The following RALGPS2 variants were observed in gnomAD, a reference collection of about 807,000 sequenced individuals.
RALGPS2 encodes the protein Ral GEF with PH domain and SH3 binding motif 2, also known as ras-specific guanine nucleotide-releasing factor RalGPS2.
Under a neutral mutation model 86.8 loss-of-function variants are expected in RALGPS2, and 43 were observed. The observed-to-expected ratio is 0.50, with a 90% CI of 0.39 to 0.64. RALGPS2 has a LOEUF of 0.64. RALGPS2 is among the 30% of genes least tolerant of loss of function. The pLI, the probability that RALGPS2 is intolerant of heterozygous loss-of-function variation, is 0.00. For missense variants in RALGPS2, 536 were observed against 694.6 expected (o/e 0.77, Z 2.57); for synonymous variants, 243 against 231.3 (o/e 1.05, Z -0.46).
chr1:178,878,096 G>A (rs1659074233), intron 9 of RALGPS2, among the ~76,000 whole-genome samples: 1 of 152,036 alleles, frequency 6.6e-6, no homozygotes, highest in Non-Finnish European at 1.5e-5. Flanking sequence ...AGACCCTTGA[G>A]CCTCGTGACA....
intron 8 of RALGPS2, among the ~76,000 whole-genome samples, chr1:178,875,666 T>C (rs1042966037): frequency 1.3e-5 from 2 of 151,870 alleles, no homozygotes; most frequent in Admixed American, 1.3e-4. Flanking sequence ...AAGAATCACT[T>C]GAACCCAGAA....
intron 8 of RALGPS2, among the ~76,000 whole-genome samples, chr1:178,862,593 T>TTTATTTATTTA (rs1553272297): frequency 7.1e-6 from 1 of 140,656 alleles, no homozygotes; most frequent in African/African-American, 2.7e-5. Flanking sequence ...GTTGCATTTT[T>TTTATTTATTTA]TTTATTTATT....
At chr1:178,853,353 T>A (rs972771981) in intron 8 of RALGPS2, among the ~76,000 whole-genome samples, 1 of 152,198 alleles carries the variant, frequency 6.6e-6, no homozygotes, top group Non-Finnish European at 1.5e-5. Flanking sequence ...AAGTAGTAAG[T>A]ATAAGTCATC....
intron 8 of RALGPS2, among the ~76,000 whole-genome samples, 163 bp from the exon 9 acceptor site, chr1:178,877,335 C>T (rs1279405523): frequency 6.6e-6 from 1 of 152,066 alleles, no homozygotes; most frequent in East Asian, 1.9e-4. Flanking sequence ...AAGCTAGGCC[C>T]CAGTAACCAT....
intron 1 of RALGPS2, chr1:178,746,920 C>A: frequency 1.8e-6 from 2 of 1,100,320 alleles, no homozygotes; most frequent in Middle Eastern, 2.4e-4. Flanking sequence ...ATTTTTCAGT[C>A]ATTATTTTGT....
chr1:178,839,625 G>A (rs571410498), intron 8 of RALGPS2, among the ~76,000 whole-genome samples: 4 of 151,670 alleles, frequency 2.6e-5, no homozygotes, highest in Non-Finnish European at 4.4e-5. Flanking sequence ...AATAACCAGC[G>A]AACATCATAA....
intron 18 of RALGPS2, among the ~76,000 whole-genome samples, chr1:178,905,924 A>G (rs1262675020): frequency 6.6e-6 from 1 of 152,212 alleles, no homozygotes; most frequent in Non-Finnish European, 1.5e-5. Context: ...CAGAACTGGA[A>G]ATCTGTAATA....
chr1:178,901,413 A>G (rs1051023753), intron 17 of RALGPS2, among the ~76,000 whole-genome samples: 5 of 152,008 alleles, frequency 3.3e-5, no homozygotes, highest in African/African-American at 4.8e-5. Flanking sequence ...TGATTTTTAA[A>G]CAATACCTGA....
intron 1 of RALGPS2, among the ~76,000 whole-genome samples, chr1:178,726,968 A>G (rs1650053751): frequency 6.6e-6 from 1 of 152,236 alleles, no homozygotes; most frequent in Non-Finnish European, 1.5e-5. Context: ...ATTTAGAATT[A>G]TGAGGAAACT....
At chr1:178,729,540 A>G (rs533279431) in intron 1 of RALGPS2, among the ~76,000 whole-genome samples, 10 of 152,334 alleles carry the variant, frequency 6.6e-5, no homozygotes, top group African/African-American at 2.4e-4. Flanking sequence ...TAAAAAGAAA[A>G]TTGTACTACA....
chr1:178,788,363 C>T lies in RALGPS2; in HGVS notation c.213+2756C>T, dbSNP rs1369297271. Among the ~76,000 whole-genome samples the T allele has an allele frequency of 2.0e-5, 3 of 152,212 alleles. No individual in the cohort carries two copies. In the East Asian group the frequency reaches 5.8e-4, roughly 29 times the overall value. ...TGCTGAAGGTATAGCAGTAAGCCAA[C>T]ACTAAAATTCCTGCCCTCATGGATC... On this transcript the variant is annotated intron_variant, in intron 4 of 19. Coordinates refer to ENST00000367635, the MANE Select transcript of RALGPS2 (RefSeq NM_152663.5).
At chr1:178,866,670 C>A (rs922253538) in intron 8 of RALGPS2, among the ~76,000 whole-genome samples, 5 of 151,914 alleles carry the variant, frequency 3.3e-5, no homozygotes, top group Non-Finnish European at 5.9e-5. Flanking sequence ...CCTTAGAGAC[C>A]CTGTCATTCA....
At chr1:178,803,382 A>C (rs989310339) in intron 4 of RALGPS2, among the ~76,000 whole-genome samples, 8 of 152,076 alleles carry the variant, frequency 5.3e-5, no homozygotes, top group African/African-American at 1.7e-4. Context: ...TTATAGCATT[A>C]ATATAAGTTT....
In RALGPS2 at chr1:178,776,689, G is replaced by C; in HGVS notation, c.-76G>C. On this transcript the variant is annotated 5_prime_UTR_variant, in exon 2 of 20. It removes an upstream start codon present in the reference 5' UTR. Transcript: ENST00000367635. ...TTTTTTTTTTTTTTACAGGAATAAT[G>C]TATTTGTGGCCTTGGACATGAGGCA... The C allele has an allele frequency of 1.0e-6, 1 of 1,004,770 alleles. No homozygotes were observed. The highest frequency in any genetic ancestry group is 1.5e-6 in the Non-Finnish European group (1 of 688,612). 62.2% of individuals were successfully genotyped at this position (1,004,770 alleles called of 1,614,324 possible). A position where few individuals can be genotyped will look rare whatever the true frequency, so the allele number is the denominator to read the frequency against.
At chr1:178,897,550 G>A (rs1225547911) in intron 16 of RALGPS2, 114 bp from the exon 17 acceptor site, 3 of 799,334 alleles carry the variant, frequency 3.8e-6, no homozygotes, top group Non-Finnish European at 6.4e-6. Context: ...GCTCAACTCT[G>A]AGGTTAGGAC....
At chr1:178,798,414 C>G (rs542730106) in intron 4 of RALGPS2, among the ~76,000 whole-genome samples, 7 of 152,164 alleles carry the variant, frequency 4.6e-5, no homozygotes, top group Admixed American at 3.3e-4. Flanking sequence ...AAAATGTGAT[C>G]TCTCACTGTG....
chr1:178,878,683 TA>T (rs971591381), intron 9 of RALGPS2, among the ~76,000 whole-genome samples: 15 of 152,072 alleles, frequency 9.9e-5, no homozygotes, highest in Non-Finnish European at 1.8e-4. Context: ...TTGGAGCTAT[TA>T]AAAAAATACA....
intron 10 of RALGPS2, among the ~76,000 whole-genome samples, chr1:178,881,541 C>G (rs1327375752): frequency 6.6e-6 from 1 of 152,150 alleles, no homozygotes; most frequent in Non-Finnish European, 1.5e-5. Context: ...CCTCCGCCGC[C>G]TGGGGTTCAA....
intron 6 of RALGPS2, among the ~76,000 whole-genome samples, chr1:178,813,968 G>T (rs924844405): frequency 8.5e-5 from 13 of 152,062 alleles, no homozygotes; most frequent in African/African-American, 2.9e-4. Context: ...AGATACAAAA[G>T]AATATAAGAA....
Sources: gnomAD v4.1 joint callset for allele counts (sites outside exome capture counted in the v4.1 genomes callset) on GRCh38, gnomAD v4.1.1 for gene constraint, MANE v1.5 for transcripts, NCBI Gene and HGNC (gene_info 2026-07-23, HGNC 2026-07-21) for gene names.